Variants in D2HGDH observed in about 807,000 individuals in gnomAD.
D2HGDH encodes the protein D-2-hydroxyglutarate dehydrogenase.
In D2HGDH, 31 loss-of-function variants were observed where a neutral mutation model predicts 46.9. The observed-to-expected ratio is 0.66, with a 90% CI of 0.50 to 0.89. The LOEUF (loss-of-function observed/expected upper bound fraction) is 0.89. Among genes scored for constraint, D2HGDH ranks in the 40% least tolerant of loss-of-function variants. The pLI, the probability that D2HGDH is intolerant of heterozygous loss-of-function variation, is 0.00. For synonymous variants in D2HGDH, 364 were observed against 332.6 expected, an observed-to-expected ratio of 1.09 and a Z score of -1.03; for missense variants, 698 against 720.8, an observed-to-expected ratio of 0.97 and a Z score of 0.36.
chr2:241,758,973 C>G (rs915908056), intron 9 of D2HGDH, among the ~76,000 whole-genome samples: 1 of 152,242 alleles, frequency 6.6e-6, no homozygotes, highest in South Asian at 2.1e-4. Context: ...CCTTCTTTGA[C>G]CGATGAGTTA....
chr2:241,750,006 T>G (rs577787493), intron 6 of D2HGDH, 145 bp from the exon 7 acceptor site: 82 of 1,209,840 alleles, frequency 6.8e-5, no homozygotes, highest in Admixed American at 4.1e-4. Context: ...CTGGGCTGTT[T>G]GTTGCAGTGC....
At position 241,744,924 on chromosome 2, in the gene D2HGDH, C is replaced by T. The variant is rs750986525; in HGVS notation, c.853+47C>T. The T allele has an allele frequency of 1.6e-5, 25 of 1,611,854 alleles. No individual in the cohort carries two copies. In the East Asian group the frequency reaches 3.6e-4, roughly 23 times the overall value. ...CTTGAGATGGGTGGTTGGGCTCGAGCGTCTGCTCTGATGGTGCCACTGTTG... is the reference window on the plus strand; with the variant it reads ...CTTGAGATGGGTGGTTGGGCTCGAGTGTCTGCTCTGATGGTGCCACTGTTG... On this transcript the variant is annotated intron_variant, in intron 6 of 9. Transcript: ENST00000321264.
intron 9 of D2HGDH, among the ~76,000 whole-genome samples, chr2:241,760,134 G>C: frequency 8.9e-6 from 1 of 112,198 alleles, no homozygotes; most frequent in Non-Finnish European, 1.8e-5. Context: ...GCCACAGCGT[G>C]GGTGGGCCTT....
chr2:241,748,912 C>T lies in D2HGDH; in HGVS notation c.854-1239C>T, dbSNP rs149396515. 1.6e-4 allele frequency: 213 copies of T among 1,297,602 alleles called. No homozygotes were observed. In the East Asian group the frequency reaches 8.8e-3, roughly 54 times the overall value. The allele number at this position is 1,297,602 out of a possible 1,614,324, so 80.4% of individuals were successfully genotyped here. ...TGGTCCTGGGAGCCCGAGGCCAGCC[C>T]GGCTGCCGCATCCTGCTCTTCGCAC... On this transcript the variant is annotated intron_variant, in intron 6 of 9. Coordinates refer to ENST00000321264, the MANE Select transcript of D2HGDH (RefSeq NM_152783.5).
intron 9 of D2HGDH, among the ~76,000 whole-genome samples, chr2:241,765,246 C>T (rs893116216): frequency 1.3e-5 from 2 of 152,146 alleles, no homozygotes; most frequent in Non-Finnish European, 2.9e-5. Context: ...CTCAGGTGGC[C>T]GCTCTCTGCC....
At chr2:241,746,359 T>G (rs1462853378) in intron 6 of D2HGDH, among the ~76,000 whole-genome samples, 1 of 152,236 alleles carries the variant, frequency 6.6e-6, no homozygotes, top group Non-Finnish European at 1.5e-5. Context: ...CCATTGAGTT[T>G]TACATTTTGA....
At chr2:241,762,773 G>A (rs1357863860) in intron 9 of D2HGDH, among the ~76,000 whole-genome samples, 1 of 152,256 alleles carries the variant, frequency 6.6e-6, no homozygotes, top group Admixed American at 6.5e-5. Flanking sequence ...TTCATCTCCG[G>A]AAGATTGGCG....
intron 2 of D2HGDH, among the ~76,000 whole-genome samples, chr2:241,737,787 G>A (rs1343014298): frequency 6.6e-6 from 1 of 152,186 alleles, no homozygotes; most frequent in Non-Finnish European, 1.5e-5. Context: ...ATAGTAAAGC[G>A]AGGTAGAAGA....
At chr2:241,759,600 C>T (rs372879554) in intron 9 of D2HGDH, among the ~76,000 whole-genome samples, 1 of 152,182 alleles carries the variant, frequency 6.6e-6, no homozygotes, top group African/African-American at 2.4e-5. Context: ...TACTTGTTTG[C>T]CGTCTTGAAT....
intron 7 of D2HGDH, 105 bp downstream of exon 7, chr2:241,750,399 GGGCGGGT>G: frequency 9.0e-7 from 1 of 1,110,148 alleles, no homozygotes; most frequent in Non-Finnish European, 1.3e-6. Context: ...GTGCCCGGGC[GGGCGGGT>G]GGGGGGTCCC....
At chr2:241,760,685 C>T (rs1698719980) in intron 9 of D2HGDH, among the ~76,000 whole-genome samples, 1 of 152,172 alleles carries the variant, frequency 6.6e-6, no homozygotes, top group South Asian at 2.1e-4. Flanking sequence ...GACTTCGACA[C>T]AGCGTGGGTG....
chr2:241,742,456 G>C lies in D2HGDH; in HGVS notation c.372G>C (p.Leu124=). The change falls in exon 4 of 10, where the codon CTG becomes CTC. Residue 124 remains leucine, a synonymous_variant. Coordinates refer to ENST00000321264, the MANE Select transcript of D2HGDH (RefSeq NM_152783.5). This position sits in a 1 kb window ranked among gnomAD's most constrained non-coding sequence, Gnocchi z 4.8. ...CCAGGCACTGCCACGAGAGGAACCT[G>C]GCCGTGAACCCACAGGGGGGCAACA... ...HILRHCHERN[L]AVNPQGGNTG... 6.2e-7 allele frequency: 1 copy of C among 1,613,296 alleles called. No individual in the cohort carries two copies. Among genetic ancestry groups the C allele is most frequent in the Non-Finnish European group, 8.5e-7 (1 of 1,179,706 alleles).
intron 9 of D2HGDH, among the ~76,000 whole-genome samples, chr2:241,758,767 A>ATGTGTGTG (rs768590214): frequency 0.028 from 3,000 of 105,840 alleles, 46 homozygotes; most frequent in East Asian, 0.064. Context: ...GCCCCACAAT[A>ATGTGTGTG]TATGTGTGTG....
At chr2:241,767,609 G>T in intron 9 of D2HGDH, 101 bp from the exon 10 acceptor site, 1 of 1,550,154 alleles carries the variant, frequency 6.5e-7, no homozygotes, top group Non-Finnish European at 8.8e-7. Flanking sequence ...CGGGGGTCTC[G>T]GGGTTGCTGG....
Position 241,755,238 on chromosome 2 carries a change from CCGT to C in D2HGDH, c.1141-610_1141-608del, listed in dbSNP as rs1355282457. The C allele has an allele frequency of 1.3e-5, 15 of 1,116,580 alleles. No homozygotes were observed. The South Asian group carries it at 1.6e-4, about 12-fold the overall frequency. 69.2% of individuals were successfully genotyped at this position (1,116,580 alleles called of 1,614,324 possible). A position where few individuals can be genotyped will look rare whatever the true frequency, so the allele number is the denominator to read the frequency against. ...CCCGCCCACCGTGTCCTTCCCTCCC[CCGT>C]GGCCCACCCACCATGTCCTTCCCTC... is the stretch of plus-strand genomic sequence containing the variant. On this transcript the variant is annotated intron_variant, in intron 8 of 9. Coordinates refer to ENST00000321264, the MANE Select transcript of D2HGDH (RefSeq NM_152783.5).
At chr2:241,755,026 C>T (rs1160904916) in intron 8 of D2HGDH, 1 of 1,292,758 alleles carries the variant, frequency 7.7e-7, no homozygotes, top group Non-Finnish European at 1.0e-6. Context: ...ATGGCTCTGT[C>T]CTGTTCCTCA....
intron 8 of D2HGDH, among the ~76,000 whole-genome samples, chr2:241,752,281 C>A (rs1697384971): frequency 6.6e-6 from 1 of 152,134 alleles, no homozygotes; most frequent in African/African-American, 2.4e-5. Flanking sequence ...CGGCTGGGCT[C>A]ACTTGTGTGT....
At chr2:241,746,275 C>T (rs771368748) in intron 6 of D2HGDH, among the ~76,000 whole-genome samples, 1 of 152,276 alleles carries the variant, frequency 6.6e-6, no homozygotes, top group South Asian at 2.1e-4. Flanking sequence ...TCTCATCTGT[C>T]TTCCAGTTCA....
In D2HGDH at chr2:241,759,399, G is replaced by A. The variant is rs1286087545; in HGVS notation, c.1306+3385G>A. 3.9e-5 allele frequency among the ~76,000 whole-genome samples: 6 copies of A among 152,330 alleles called. No individual in the cohort carries two copies. The East Asian group carries it at 7.7e-4, about 20-fold the overall frequency. ...TTTGGGAAACTGAATCTCCTAACGC[G>A]ATGGACTCGCTCTTTATCTCCAGCA... is the stretch of plus-strand genomic sequence containing the variant. On this transcript the variant is annotated intron_variant, in intron 9 of 9. Transcript: ENST00000321264.
Sources: allele counts gnomAD v4.1 joint callset (sites outside exome capture counted in the v4.1 genomes callset), GRCh38; gene constraint gnomAD v4.1.1; non-coding constraint Gnocchi (gnomAD v3.1); transcripts MANE v1.5; gene names NCBI Gene and HGNC (gene_info 2026-07-23, HGNC 2026-07-21).